YIPF4: variants seen among roughly 807,000 people sequenced by gnomAD.
YIPF4 encodes Yip1 domain family member 4, also known as protein YIPF4.
YIPF4 carries 18 observed loss-of-function variants against 29.4 expected under a neutral mutation model. The observed-to-expected ratio is 0.61, with a 90% confidence interval of 0.42 to 0.91. YIPF4 has a LOEUF of 0.91. Ranked by LOEUF, YIPF4 falls within the 40% of genes least tolerant of loss-of-function variation. The pLI is 0.00. For missense variants in YIPF4, 279 were observed against 282.7 expected (o/e 0.99, Z 0.09); for synonymous variants, 115 against 104.7 (o/e 1.10, Z -0.60).
chr2:32,291,436 C>T (rs1450460258), intron 2 of YIPF4, among the ~76,000 whole-genome samples: 1 of 152,180 alleles, frequency 6.6e-6, no homozygotes, highest in Non-Finnish European at 1.5e-5. Flanking sequence ...CCCAGCTGCT[C>T]GGGTGGCTGA....
intron 5 of YIPF4, among the ~76,000 whole-genome samples, chr2:32,302,033 CTTTTTTT>C (rs753050630): frequency 1.5e-5 from 2 of 134,400 alleles, no homozygotes; most frequent in South Asian, 4.8e-4. Flanking sequence ...TTCTTTCTTT[CTTTTTTT>C]TTTTTTTTGA....
At chr2:32,294,202 C>A (rs2031067033) in intron 3 of YIPF4, among the ~76,000 whole-genome samples, 1 of 152,082 alleles carries the variant, frequency 6.6e-6, no homozygotes, top group South Asian at 2.1e-4. Context: ...GGGTGGCTGC[C>A]AGGCAGAGAC....
rs912555364 is a variant in YIPF4, at chr2:32,310,526, A to T, written c.*4900A>T. ...TATACAAAAAGTAGGCCTATCATTT[A>T]TATGGGTTTTGCATCCTGACAGTAC... is the stretch of plus-strand genomic sequence containing the variant. On this transcript the variant is annotated 3_prime_UTR_variant, in exon 6 of 6. Transcript: ENST00000238831. The T allele has an allele frequency of 6.6e-6, 1 of 152,114 alleles. No individual in the cohort carries two copies. Among genetic ancestry groups the T allele is most frequent in the Non-Finnish European group, 1.5e-5 (1 of 68,034 alleles). The allele number at this position is 152,114 out of a possible 1,614,324, so 9.4% of individuals were successfully genotyped here. A position where few individuals can be genotyped will look rare whatever the true frequency, so the allele number is the denominator to read the frequency against.
At chr2:32,290,370 A>C in intron 1 of YIPF4, 113 bp from the exon 2 acceptor site, 1 of 706,374 alleles carries the variant, frequency 1.4e-6, no homozygotes, top group Non-Finnish European at 2.1e-6. Context: ...GCAATAGCAG[A>C]TGTTCTTAGA....
chr2:32,296,575 ATGCATT>A (rs965567466), intron 3 of YIPF4, among the ~76,000 whole-genome samples: 4 of 152,072 alleles, frequency 2.6e-5, no homozygotes, highest in Admixed American at 6.6e-5. Context: ...GATTTGGATT[ATGCATT>A]TTTGGCAAGA....
intron 4 of YIPF4, among the ~76,000 whole-genome samples, chr2:32,300,348 C>G (rs563014615): frequency 6.6e-6 from 1 of 151,612 alleles, no homozygotes; most frequent in African/African-American, 2.4e-5. Flanking sequence ...GCAGAAGAAT[C>G]TCTTGAACCC....
chr2:32,314,446 G>A lies in YIPF4; in HGVS notation c.*8820G>A, dbSNP rs972047911. 1 of 152,204 alleles carries A rather than the reference G, an allele frequency of 6.6e-6. No individual in the cohort carries two copies. The highest frequency in any genetic ancestry group is 6.5e-5 in the Admixed American group (1 of 15,272). The allele number at this position is 152,204 out of a possible 1,614,324, so 9.4% of individuals were successfully genotyped here. On this transcript the variant is annotated 3_prime_UTR_variant, in exon 6 of 6. Transcript: ENST00000238831. ...CCCAGCTCTTTGGGAGGCAGAGGCT[G>A]GCAGATCACCTGAGGTTGGGAGTTT...
chr2:32,302,025 C>CT (rs1380255809), intron 5 of YIPF4, among the ~76,000 whole-genome samples: 3 of 140,754 alleles, frequency 2.1e-5, no homozygotes, highest in East Asian at 4.3e-4. Flanking sequence ...TTTTCTTTTT[C>CT]TTTCTTTCTT....
intron 1 of YIPF4, among the ~76,000 whole-genome samples, chr2:32,283,294 A>G (rs2030515821): frequency 6.6e-6 from 1 of 152,124 alleles, no homozygotes; most frequent in East Asian, 1.9e-4. Flanking sequence ...TCTACACGTC[A>G]TATAAATTCT....
intron 1 of YIPF4, among the ~76,000 whole-genome samples, chr2:32,288,891 T>G (rs1408496862): frequency 2.0e-5 from 3 of 151,638 alleles, no homozygotes; most frequent in Non-Finnish European, 4.4e-5. Flanking sequence ...GGCTTGAACC[T>G]AGGAGACAGA....
Position 32,311,895 on chromosome 2 carries a change from A to G in YIPF4, c.*6269A>G, listed in dbSNP as rs190879955. ...AAAAGCAGATTGCTGCTATTTGCAT[A>G]ATAAGCACTTGTTGAAGAATAAATG... is the stretch of plus-strand genomic sequence containing the variant. On this transcript the variant is annotated 3_prime_UTR_variant, in exon 6 of 6. Coordinates refer to ENST00000238831, the MANE Select transcript of YIPF4 (RefSeq NM_032312.4). The G allele has an allele frequency of 2.6e-4, 40 of 152,356 alleles. No individual in the cohort carries two copies. The highest frequency in any genetic ancestry group is 7.7e-4 in the African/African-American group (32 of 41,590). The allele number at this position is 152,356 out of a possible 1,614,324, so 9.4% of individuals were successfully genotyped here. A position where few individuals can be genotyped will look rare whatever the true frequency, so the allele number is the denominator to read the frequency against.
At chr2:32,288,542 C>G (rs925101096) in intron 1 of YIPF4, among the ~76,000 whole-genome samples, 2 of 152,182 alleles carry the variant, frequency 1.3e-5, no homozygotes, top group African/African-American at 4.8e-5. Flanking sequence ...GGCGCGGTGG[C>G]TCACACCTGT....
chr2:32,284,117 A>G (rs1267083134), intron 1 of YIPF4, among the ~76,000 whole-genome samples: 4 of 152,156 alleles, frequency 2.6e-5, no homozygotes, highest in Non-Finnish European at 5.9e-5. Flanking sequence ...ATTGCCTACT[A>G]TGGATCAGGC....
Position 32,299,553 on chromosome 2 carries a change from G to T in YIPF4, c.483+1242G>T, listed in dbSNP as rs139418155. Reference sequence around the variant, plus strand: ...AGAACTCAAGGGGGCTGGGCGCCGTGGCTCATACCTGTAGTCCCAGCACTT... The same window carrying T: ...AGAACTCAAGGGGGCTGGGCGCCGTTGCTCATACCTGTAGTCCCAGCACTT... On this transcript the variant is annotated intron_variant, in intron 4 of 5. Coordinates refer to ENST00000238831, the MANE Select transcript of YIPF4 (RefSeq NM_032312.4). 1.1e-4 allele frequency among the ~76,000 whole-genome samples: 17 copies of T among 152,306 alleles called. No homozygotes were observed. In the East Asian group the frequency reaches 3.3e-3, roughly 29 times the overall value.
intron 5 of YIPF4, among the ~76,000 whole-genome samples, chr2:32,303,112 C>T (rs2031460708): frequency 6.6e-6 from 1 of 152,030 alleles, no homozygotes; most frequent in South Asian, 2.1e-4. Flanking sequence ...CGCCTATAAT[C>T]CCAGCACTTT....
chr2:32,278,372 T>G (rs2030209539), intron 1 of YIPF4, 138 bp downstream of exon 1: 1 of 809,048 alleles, frequency 1.2e-6, no homozygotes, highest in African/African-American at 1.8e-5. Context: ...CCACCACGCC[T>G]GCCGGGCCTT....
intron 3 of YIPF4, among the ~76,000 whole-genome samples, chr2:32,292,991 A>G (rs1428412297): frequency 6.6e-6 from 1 of 151,544 alleles, no homozygotes; most frequent in Non-Finnish European, 1.5e-5. Flanking sequence ...AGAGATGAAC[A>G]GTTTGAAATG....
At chr2:32,288,707 G>A (rs2030785891) in intron 1 of YIPF4, among the ~76,000 whole-genome samples, 1 of 152,176 alleles carries the variant, frequency 6.6e-6, no homozygotes, top group African/African-American at 2.4e-5. Context: ...CTACTCAGGA[G>A]GCCGAGGCAG....
rs545389471 is a variant in YIPF4 at position 32,310,429 on chromosome 2, T to A, written c.*4803T>A. The A allele has an allele frequency of 6.6e-6, 1 of 152,274 alleles. No individual in the cohort carries two copies. Among genetic ancestry groups the A allele is most frequent in the African/African-American group, 2.4e-5 (1 of 41,550 alleles). 9.4% of individuals were successfully genotyped at this position (152,274 alleles called of 1,614,324 possible). On this transcript the variant is annotated 3_prime_UTR_variant, in exon 6 of 6. Transcript: ENST00000238831. ...GCTGTTCCTCTATATACGAAGGGGA[T>A]TGGTACCAGAACCACTGCATACCAA...
Sources: allele counts gnomAD v4.1 joint callset (sites outside exome capture counted in the v4.1 genomes callset), GRCh38; gene constraint gnomAD v4.1.1; transcripts MANE v1.5; gene names NCBI Gene and HGNC (gene_info 2026-07-23, HGNC 2026-07-21).